Variants in ADAM10 observed in about 807,000 individuals in gnomAD.
ADAM10 encodes ADAM metallopeptidase domain 10.
In ADAM10, 17 loss-of-function variants were observed where a neutral mutation model predicts 90.1. That is an observed-to-expected ratio of 0.19 (90% CI 0.13 to 0.28). The LOEUF is 0.28. Among genes scored for constraint, ADAM10 ranks in the 10% least tolerant of loss-of-function variants. The pLI is 1.00. For missense variants in ADAM10, 610 were observed against 914.3 expected (o/e 0.67, Z 4.29); for synonymous variants, 310 against 298.6 (o/e 1.04, Z -0.40).
chr15:58,615,399 G>A (rs1310131745), intron 11 of ADAM10, among the ~76,000 whole-genome samples: 1 of 151,762 alleles, frequency 6.6e-6, no homozygotes, highest in East Asian at 1.9e-4. Context: ...GACACAACCT[G>A]GCTGAATGGG....
intron 11 of ADAM10, among the ~76,000 whole-genome samples, chr15:58,621,173 G>A (rs1286023433): frequency 6.7e-6 from 1 of 148,784 alleles, no homozygotes; most frequent in Non-Finnish European, 1.5e-5. Context: ...TGAGGTGGGA[G>A]GATCAATTGA....
chr15:58,624,028 TA>T (rs111412385), intron 10 of ADAM10, among the ~76,000 whole-genome samples: 9,441 of 150,022 alleles, frequency 0.063, 993 homozygotes, highest in African/African-American at 0.22. Context: ...CTCACGCCTG[TA>T]AATGCCAGCA....
rs1224159720 is a variant in ADAM10, at chr15:58,589,871, T to G, written c.*7676A>C. 1.3e-5 allele frequency: 2 copies of G among 152,114 alleles called. No homozygotes were observed. Among genetic ancestry groups the G allele is most frequent in the African/African-American group, 2.4e-5 (1 of 41,388 alleles). 9.4% of individuals were successfully genotyped at this position (152,114 alleles called of 1,614,324 possible). On this transcript the variant is annotated 3_prime_UTR_variant, in exon 16 of 16. Transcript: ENST00000260408. ...GCGCCTTTCACAACTCCCAGATTGTTGGGCCAATATCCTAAGGAGAATAAC... is the reference window on the plus strand; with the variant it reads ...GCGCCTTTCACAACTCCCAGATTGTGGGGCCAATATCCTAAGGAGAATAAC...
chr15:58,682,352 A>T, intron 2 of ADAM10, 38 bp from the exon 3 acceptor site: 1 of 1,595,914 alleles, frequency 6.3e-7, no homozygotes, highest in Non-Finnish European at 8.5e-7. Context: ...AACTGAAATT[A>T]AAAAGATCCA....
intron 1 of ADAM10, among the ~76,000 whole-genome samples, chr15:58,722,062 G>T (rs770115139): frequency 1.3e-4 from 20 of 151,148 alleles, no homozygotes; most frequent in Admixed American, 4.6e-4. Context: ...ATAATAGGCC[G>T]GGCACGGTGG....
intron 5 of ADAM10, among the ~76,000 whole-genome samples, chr15:58,659,569 A>C (rs1182000680): frequency 1.3e-5 from 2 of 152,122 alleles, no homozygotes; most frequent in African/African-American, 4.8e-5. Context: ...ATTTGAGCAT[A>C]ATGTGTTTTT....
At chr15:58,624,392 A>G (rs1220924663) in intron 10 of ADAM10, among the ~76,000 whole-genome samples, 1 of 152,254 alleles carries the variant, frequency 6.6e-6, no homozygotes, top group Admixed American at 6.5e-5. Context: ...TATAATTCAC[A>G]TGACACGTAA....
At chr15:58,708,394 G>T (rs1203892318) in intron 2 of ADAM10, among the ~76,000 whole-genome samples, 1 of 152,048 alleles carries the variant, frequency 6.6e-6, no homozygotes, top group Non-Finnish European at 1.5e-5. Flanking sequence ...ACACCCGGTG[G>T]CTCACACCAG....
chr15:58,711,547 T>C (rs1054647565), intron 2 of ADAM10, among the ~76,000 whole-genome samples: 4 of 152,264 alleles, frequency 2.6e-5, no homozygotes, highest in Middle Eastern at 3.4e-3. Flanking sequence ...CCAATACATA[T>C]ATAAAATCAC....
chr15:58,690,060 A>C (rs1897735676), intron 2 of ADAM10, among the ~76,000 whole-genome samples: 1 of 152,092 alleles, frequency 6.6e-6, no homozygotes, highest in African/African-American at 2.4e-5. Flanking sequence ...ATACATCATA[A>C]GCAAATGAAG....
At chr15:58,742,682 T>C (rs556975267) in intron 1 of ADAM10, among the ~76,000 whole-genome samples, 325 of 152,342 alleles carry the variant, frequency 2.1e-3, no homozygotes, top group African/African-American at 7.3e-3. Flanking sequence ...AGGGTTATTA[T>C]AGTTTTTCCA....
Position 58,589,364 on chromosome 15 carries a change from T to G in ADAM10, c.*8183A>C, listed in dbSNP as rs756926934. 2 of 152,202 alleles carry G rather than the reference T, an allele frequency of 1.3e-5. No homozygotes were observed. The highest frequency in any genetic ancestry group is 2.4e-5 in the African/African-American group (1 of 41,450). 9.4% of individuals were successfully genotyped at this position (152,202 alleles called of 1,614,324 possible). On this transcript the variant is annotated 3_prime_UTR_variant, in exon 16 of 16. Transcript: ENST00000260408. ...GCAGCTTGGACTAGTTAGAGCAAACTTTTACCGAAACTCCAAAACTCAGGT... is the reference window on the plus strand; with the variant it reads ...GCAGCTTGGACTAGTTAGAGCAAACGTTTACCGAAACTCCAAAACTCAGGT...
Position 58,678,838 on chromosome 15 carries a change from T to TG in ADAM10, c.484+285dup, listed in dbSNP as rs1239980798. Among the ~76,000 whole-genome samples the TG allele has an allele frequency of 2.0e-5, 3 of 152,348 alleles. No homozygotes were observed. The East Asian group carries it at 5.8e-4, about 29-fold the overall frequency. ...TATTAGCATTACACAGACTGGCTGATGTCAAAATATACGATTTCCAGTTCC... is the reference window on the plus strand; with the variant it reads ...TATTAGCATTACACAGACTGGCTGATGGTCAAAATATACGATTTCCAGTTCC... On this transcript the variant is annotated intron_variant, in intron 4 of 15. Transcript: ENST00000260408.
At chr15:58,730,540 T>TA (rs1390135659) in intron 1 of ADAM10, among the ~76,000 whole-genome samples, 2 of 152,270 alleles carry the variant, frequency 1.3e-5, no homozygotes, top group East Asian at 3.8e-4. Flanking sequence ...GTAAGTCACT[T>TA]AAACACTTAG....
At chr15:58,692,233 C>CCTT (rs761539358) in intron 2 of ADAM10, 1 of 585,338 alleles carries the variant, frequency 1.7e-6, no homozygotes, top group Non-Finnish European at 3.4e-6. Context: ...TTCCAAATGA[C>CCTT]CTTCTACAGG....
At chr15:58,647,246 G>GTTTTTTTTTTTTTTTTTTTTTTTT in intron 5 of ADAM10, among the ~76,000 whole-genome samples, 2 of 36,850 alleles carry the variant, frequency 5.4e-5, no homozygotes, top group Admixed American at 5.7e-4. Flanking sequence ...TAGACACTAA[G>GTTTTTTTTTTTTTTTTTTTTTTTT]TATTTTTTTT....
At chr15:58,676,821 AAAATAGAT>A (rs1328638151) in intron 4 of ADAM10, among the ~76,000 whole-genome samples, 5 of 152,058 alleles carry the variant, frequency 3.3e-5, no homozygotes, top group Non-Finnish European at 7.4e-5. Flanking sequence ...TGTCTCCAAA[AAAATAGAT>A]AAATAAATAA....
At chr15:58,702,919 A>C (rs566938771) in intron 2 of ADAM10, among the ~76,000 whole-genome samples, 44 of 152,322 alleles carry the variant, frequency 2.9e-4, no homozygotes, top group Non-Finnish European at 1.8e-4. Flanking sequence ...TAAAACCACA[A>C]ATGAATAATC....
intron 4 of ADAM10, among the ~76,000 whole-genome samples, chr15:58,669,519 C>A (rs1330252630): frequency 6.6e-6 from 1 of 152,152 alleles, no homozygotes; most frequent in African/African-American, 2.4e-5. Flanking sequence ...GTATATGCTA[C>A]TAGCTTAAAT....
Sources: allele counts gnomAD v4.1 joint callset (sites outside exome capture counted in the v4.1 genomes callset), GRCh38; gene constraint gnomAD v4.1.1; transcripts MANE v1.5; gene names NCBI Gene and HGNC (gene_info 2026-07-23, HGNC 2026-07-21).